Variants in IRX4 observed in about 807,000 individuals in gnomAD.
IRX4 encodes iroquois homeobox 4.
A neutral mutation model predicts 32.0 loss-of-function variants in IRX4; 22 were observed. The observed-to-expected ratio is 0.69, with a 90% CI of 0.49 to 0.98. The LOEUF (loss-of-function observed/expected upper bound fraction) is 0.98. IRX4 is among the 50% of genes least tolerant of loss of function. The pLI is 0.00. For synonymous variants in IRX4, 379 were observed against 351.7 expected (o/e 1.08, Z -0.87); for missense variants, 840 against 744.2 (o/e 1.13, Z -1.50).
At chr5:1,882,283 C>T (rs1561139011) in intron 1 of IRX4, among the ~76,000 whole-genome samples, 1 of 152,192 alleles carries the variant, frequency 6.6e-6, no homozygotes, top group Admixed American at 6.5e-5. Flanking sequence ...GGAGGGTTTC[C>T]AAGGCCTCTG....
At position 1,878,615 on chromosome 5, in the gene IRX4, C is replaced by T. The variant is rs755426156; in HGVS notation, c.914G>A (p.Arg305Gln). 2 of 1,567,042 alleles carry T rather than the reference C, an allele frequency of 1.3e-6. No homozygotes were observed. The highest frequency in any genetic ancestry group is 1.2e-5 in the South Asian group (1 of 85,892). ...TCCGCCACCCGCGGCCAGAGACATC[C>T]GGAGCGCGCCTGAGGCCTCCTTGAC... The part of the protein sequence containing the change: ...GPVKEASGAL[R>Q]MSLAAGGGAA... Residue 305 changes from arginine to glutamine, a missense_variant, in exon 5 of 5, where the codon CGG becomes CAG. Transcript: ENST00000231357.
intron 4 of IRX4, among the ~76,000 whole-genome samples, 200 bp downstream of exon 4, chr5:1,879,304 C>A (rs1276512960): frequency 2.0e-5 from 3 of 152,298 alleles, no homozygotes; most frequent in South Asian, 2.1e-4. Context: ...TATTTTTATA[C>A]GTGATTTGAG....
At position 1,882,583 on chromosome 5, in the gene IRX4, C is replaced by A. The variant is rs201069335; in HGVS notation, c.45+20G>T. 288 of 1,489,094 alleles carry A rather than the reference C, an allele frequency of 1.9e-4. No homozygotes were observed. The highest frequency in any genetic ancestry group is 2.5e-4 in the Non-Finnish European group (281 of 1,122,338). The allele number at this position is 1,489,094 out of a possible 1,614,324, so 92.2% of individuals were successfully genotyped here. ...CTACCGGCACCTGCGGTGGCCTGGG[C>A]GGGGCGGGGCTCCGCTTACCTGGGG... On this transcript the variant is annotated intron_variant, in intron 1 of 4. Coordinates refer to ENST00000231357, the MANE Select transcript of IRX4 (RefSeq NM_016358.3).
chr5:1,878,060 G>C lies in IRX4; in HGVS notation c.1469C>G (p.Pro490Arg). ...TGGGGCGTCCTGGGGCACGGCAGGC[G>C]GAAAGGCGCGGGCCAGGGGTGCAGT... ...VLTAPLARAF[P>R]PAVPQDAPAA... Residue 490 changes from proline to arginine, a missense_variant, in exon 5 of 5, where the codon CCG becomes CGG. Pro to Arg is a moderately radical substitution (Grantham distance 103). This residue lies in a region of IRX4 where 585 missense variants were observed against 488.0 expected (regional missense o/e 1.20). Transcript: ENST00000231357. 1 of 1,512,812 alleles carries C rather than the reference G, an allele frequency of 6.6e-7. No homozygotes were observed. The allele number at this position is 1,512,812 out of a possible 1,614,324, so 93.7% of individuals were successfully genotyped here. A position where few individuals can be genotyped will look rare whatever the true frequency, so the allele number is the denominator to read the frequency against.
chr5:1,880,901 G>A, intron 2 of IRX4, 67 bp from the exon 3 acceptor site: 1 of 1,204,038 alleles, frequency 8.3e-7, no homozygotes, highest in Non-Finnish European at 1.2e-6. Context: ...CTCTCTCCTA[G>A]GAGCCCCCCA....
At chr5:1,883,783 C>T (rs898935822), upstream of IRX4, among the ~76,000 whole-genome samples, 1 of 152,244 alleles carries the variant, frequency 6.6e-6, no homozygotes, top group Non-Finnish European at 1.5e-5. Context: ...CGTGCTCCGC[C>T]GGCTTCCCCC....
chr5:1,881,995 G>C lies in IRX4; in HGVS notation c.110C>G (p.Ser37Cys). 1.3e-6 allele frequency: 2 copies of C among 1,548,902 alleles called. No homozygotes were observed. Among genetic ancestry groups the C allele is most frequent in the Non-Finnish European group, 1.7e-6 (2 of 1,146,788 alleles). Residue 37 changes from serine to cysteine, a missense_variant, in exon 2 of 5, where the codon TCC becomes TGC. Around this residue, in one of 3 missense-constraint regions of IRX4, gnomAD observed 241 missense variants for 220.8 expected, o/e 1.09. Coordinates refer to ENST00000231357, the MANE Select transcript of IRX4 (RefSeq NM_016358.3). ...CGCCTGGGCCGAGGCGGCGGGCCCG[G>C]AGTCCGCCAGCGTGCGGCCTCCGGA... The part of the protein sequence containing the change: ...CESGGRTLAD[S>C]GPAASAQAPV...
chr5:1,881,320 G>GGGGGGAGGAGCAAGGGT (rs1300108351), intron 2 of IRX4, among the ~76,000 whole-genome samples: 2 of 123,490 alleles, frequency 1.6e-5, no homozygotes, highest in Admixed American at 8.3e-5. Flanking sequence ...GGCGCAAGGC[G>GGGGGGAGGAGCAAGGGT]GGGGGAGGAG....
In IRX4 at chr5:1,878,156, G is replaced by A; in HGVS notation, c.1373C>T (p.Ala458Val). 6.4e-7 allele frequency: 1 copy of A among 1,565,908 alleles called. No individual in the cohort carries two copies. ...GTCCAGGAGGGCGCCCTTGGCGGTG[G>A]CCCAGGCCTGGTTCAAAGTGCTGTG... ...LRHSTLNQAWATAKGALLDPG... is the reference protein window; with the variant it reads ...LRHSTLNQAWVTAKGALLDPG... The change falls in exon 5 of 5, where the codon GCC becomes GTC. Residue 458 changes from alanine to valine, a missense_variant. Ala to Val is a moderately conservative substitution (Grantham distance 64). Coordinates refer to ENST00000231357, the MANE Select transcript of IRX4 (RefSeq NM_016358.3).
At chr5:1,882,180 T>G in intron 1 of IRX4, 121 bp from the exon 2 acceptor site, 1 of 1,204,678 alleles carries the variant, frequency 8.3e-7, no homozygotes, top group South Asian at 1.6e-5. Flanking sequence ...CCTCCCGCCG[T>G]CCACACCAGG....
Position 1,877,882 on chromosome 5 carries a change from G to T in IRX4, c.*87C>A. On this transcript the variant is annotated 3_prime_UTR_variant, in exon 5 of 5. Coordinates refer to ENST00000231357, the MANE Select transcript of IRX4 (RefSeq NM_016358.3). Reference sequence around the variant, plus strand: ...GGGTTGGCGGCTTCGCGGTGGCCGCGCTAGTCTTCCTCTGGAAACTCAGTG... The same window carrying T: ...GGGTTGGCGGCTTCGCGGTGGCCGCTCTAGTCTTCCTCTGGAAACTCAGTG... 1.6e-6 allele frequency: 2 copies of T among 1,258,716 alleles called. No homozygotes were observed. Among genetic ancestry groups the T allele is most frequent in the Admixed American group, 2.3e-5 (1 of 43,238 alleles). 78.0% of individuals were successfully genotyped at this position (1,258,716 alleles called of 1,614,324 possible).
At chr5:1,886,062 G>A (rs12517770), upstream of IRX4, among the ~76,000 whole-genome samples, 1 of 152,272 alleles carries the variant, frequency 6.6e-6, no homozygotes. Context: ...GCCGGAGCAG[G>A]CCGCAGGGGA....
At chr5:1,883,164 CA>C (rs1349412260), upstream of IRX4, among the ~76,000 whole-genome samples, 1 of 152,212 alleles carries the variant, frequency 6.6e-6, no homozygotes, top group Non-Finnish European at 1.5e-5. Flanking sequence ...CAATATCGCC[CA>C]GCGAACGGTG....
Position 1,878,014 on chromosome 5 carries a change from C to A in IRX4, c.1515G>T (p.Glu505Asp), listed in dbSNP as rs1186333333. 6.6e-7 allele frequency: 1 copy of A among 1,507,666 alleles called. No individual in the cohort carries two copies. The highest frequency in any genetic ancestry group is 1.4e-5 in the African/African-American group (1 of 70,110). 93.4% of individuals were successfully genotyped at this position (1,507,666 alleles called of 1,614,324 possible). Residue 505 changes from glutamate (E) to aspartate (D), a missense_variant, in exon 5 of 5, where the codon GAG becomes GAT. Physicochemically the swap from Glu to Asp is conservative, Grantham distance 45 (BLOSUM62 2). Transcript: ENST00000231357. ...CGCCGGCCTTGGGCAGGGCGAGCAG[C>A]TCCCTGGCGGCGCCTGCAGCTGGGG... The part of the protein sequence containing the change: ...QDAPAAGAAR[E>D]LLALPKAGGK...
chr5:1,883,358 C>G (rs2232371), upstream of IRX4, among the ~76,000 whole-genome samples: 1,602 of 152,328 alleles, frequency 0.011, 24 homozygotes, highest in African/African-American at 0.037. Flanking sequence ...GCCGGCCCGG[C>G]CTCGCGCTGG....
chr5:1,881,319 C>G (rs544769786), intron 2 of IRX4, among the ~76,000 whole-genome samples: 26,585 of 91,570 alleles, frequency 0.29, 3,355 homozygotes, highest in Admixed American at 0.38. Context: ...AGGCGCAAGG[C>G]GGGGGGAGGA....
chr5:1,880,214 A>G (rs1207982802), intron 3 of IRX4: 17 of 1,244,758 alleles, frequency 1.4e-5, no homozygotes, highest in Non-Finnish European at 1.8e-5. Flanking sequence ...AGGAAGGGTC[A>G]TTACTGCCCA....
Position 1,878,379 on chromosome 5 carries a change from A to AGGT in IRX4, c.1147_1149dup (p.Thr383dup). On this transcript the variant is annotated inframe_insertion, in exon 5 of 5. Transcript: ENST00000231357. The stretch of plus-strand genomic sequence containing the variant: ...GACGGAAACTCAGTCTGGCTCAGGG[A>AGGT]GGTGGCGGCGGCGGCGGCGGCGGTG... 1 of 1,532,574 alleles carries AGGT rather than the reference A, an allele frequency of 6.5e-7. No homozygotes were observed. Among genetic ancestry groups the AGGT allele is most frequent in the Non-Finnish European group, 8.8e-7 (1 of 1,142,854 alleles). 94.9% of individuals were successfully genotyped at this position (1,532,574 alleles called of 1,614,324 possible).
Position 1,878,231 on chromosome 5 carries a change from G to C in IRX4, c.1298C>G (p.Thr433Ser). The change falls in exon 5 of 5, where the codon ACC becomes AGC. Residue 433 changes from threonine to serine, a missense_variant. By Grantham distance (58) the Thr-to-Ser change is moderately conservative (BLOSUM62 1). Coordinates refer to ENST00000231357, the MANE Select transcript of IRX4 (RefSeq NM_016358.3). ...ALDRHQDSPVTSLRNWVDGVF... is the reference protein window; with the variant it reads ...ALDRHQDSPVSSLRNWVDGVF... ...CCCGTCCACCCAGTTTCTGAGACTG[G>C]TTACCGGGGAGTCCTGGTGCCTGTC... 1 of 1,605,750 alleles carries C rather than the reference G, an allele frequency of 6.2e-7. No homozygotes were observed. The highest frequency in any genetic ancestry group is 8.5e-7 in the Non-Finnish European group (1 of 1,177,110).
Sources: gnomAD v4.1 joint callset for allele counts (sites outside exome capture counted in the v4.1 genomes callset) on GRCh38, gnomAD v4.1.1 for gene constraint, gnomAD v4.1.1 regional missense constraint, MANE v1.5 for transcripts, NCBI Gene and HGNC (gene_info 2026-07-23, HGNC 2026-07-21) for gene names.